The following PCDHGB6 variants were observed in gnomAD, a reference collection of about 807,000 sequenced individuals.
PCDHGB6 encodes the protein protocadherin gamma-B6.
In PCDHGB6, 51 loss-of-function variants were observed where a neutral mutation model predicts 59.1. That is an observed-to-expected ratio of 0.86 (90% CI 0.69 to 1.09). The LOEUF (loss-of-function observed/expected upper bound fraction) is 1.09. Ranked by LOEUF, PCDHGB6 falls within the 50% of genes least tolerant of loss-of-function variation. PCDHGB6 has a pLI of 0.00. For missense variants in PCDHGB6, 1,148 were observed against 1,205.1 expected (o/e 0.95, Z 0.70); for synonymous variants, 466 against 495.1 (o/e 0.94, Z 0.78).
intron 1 of PCDHGB6, chr5:141,426,340 C>A: frequency 5.3e-6 from 1 of 190,288 alleles, no homozygotes; most frequent in Non-Finnish European, 1.1e-5. Flanking sequence ...AGCACTCTTC[C>A]CTTTCCTGCT....
rs549051669 is a variant in PCDHGB6, at chr5:141,450,866, C to A, written c.2418+40246C>A. 4.7e-5 allele frequency among the ~76,000 whole-genome samples: 7 copies of A among 149,836 alleles called. No homozygotes were observed. In the East Asian group the frequency reaches 1.4e-3, roughly 29 times the overall value. On this transcript the variant is annotated intron_variant, in intron 1 of 3. Transcript: ENST00000520790. ...TTGAGATGGGGTCTTGCTCTGTCAC[C>A]CAGGCTGGTGTGCAGTGGTGCGATA...
intron 1 of PCDHGB6, 180 bp downstream of exon 1, chr5:141,410,800 T>A: frequency 1.5e-6 from 1 of 678,550 alleles, no homozygotes; most frequent in Non-Finnish European, 2.2e-6. Context: ...TAAGTTGCTC[T>A]ATCTTTTTGT....
chr5:141,419,259 C>G, intron 1 of PCDHGB6: 4 of 1,614,016 alleles, frequency 2.5e-6, no homozygotes, highest in Non-Finnish European at 2.5e-6. Context: ...AACAACCAGC[C>G]GGGTGCCTCC....
At chr5:141,447,797 T>C (rs536848880) in intron 1 of PCDHGB6, among the ~76,000 whole-genome samples, 16 of 152,022 alleles carry the variant, frequency 1.1e-4, no homozygotes, top group Admixed American at 7.9e-4. Context: ...TTTAAGAAAA[T>C]AAAATTGGCT....
chr5:141,429,698 A>G (rs1436698608), intron 1 of PCDHGB6, among the ~76,000 whole-genome samples: 2 of 152,228 alleles, frequency 1.3e-5, no homozygotes, highest in Admixed American at 6.5e-5. Flanking sequence ...ATATCTTTAC[A>G]GTATAAATAT....
In PCDHGB6 at chr5:141,409,431, T is replaced by C. The variant is rs191277647; in HGVS notation, c.1229T>C (p.Leu410Pro). 41 of 1,614,006 alleles carry C rather than the reference T, an allele frequency of 2.5e-5. No homozygotes were observed. In the African/African-American group the frequency reaches 3.9e-4, roughly 15 times the overall value. ...NYYKLVTDGA[L>P]DREQTPEYNV... Reference sequence around the variant, plus strand: ...TACAAACTGGTGACAGATGGAGCCCTGGACCGAGAGCAGACACCAGAATAC... The same window carrying C: ...TACAAACTGGTGACAGATGGAGCCCCGGACCGAGAGCAGACACCAGAATAC... Residue 410 changes from leucine to proline, a missense_variant, in exon 1 of 4, where the codon CTG (leucine) becomes CCG (proline). Leu to Pro is a moderately conservative substitution (Grantham distance 98). Transcript: ENST00000520790.
chr5:141,439,618 C>T (rs964445098), intron 1 of PCDHGB6, among the ~76,000 whole-genome samples: 2 of 152,178 alleles, frequency 1.3e-5, no homozygotes, highest in East Asian at 3.8e-4. Context: ...GATAAATGAG[C>T]CAATCCCCAG....
chr5:141,422,074 C>T (rs886758924), intron 1 of PCDHGB6: 8 of 1,612,146 alleles, frequency 5.0e-6, no homozygotes, highest in African/African-American at 4.0e-5. Context: ...GTATTCATTT[C>T]GGAACATGGA....
intron 1 of PCDHGB6, chr5:141,414,799 G>T (rs1177065576): frequency 1.9e-6 from 3 of 1,614,096 alleles, no homozygotes; most frequent in Non-Finnish European, 2.5e-6. Flanking sequence ...CAGCGACAGC[G>T]GGGATCCTCC....
intron 1 of PCDHGB6, among the ~76,000 whole-genome samples, chr5:141,463,479 C>T (rs1162346496): frequency 4.1e-5 from 5 of 120,544 alleles, no homozygotes; most frequent in Non-Finnish European, 8.1e-5. Flanking sequence ...GATGGAGTCT[C>T]GCTCTGTCAC....
At chr5:141,442,682 T>C (rs1591733469) in intron 1 of PCDHGB6, among the ~76,000 whole-genome samples, 1 of 152,218 alleles carries the variant, frequency 6.6e-6, no homozygotes, top group East Asian at 1.9e-4. Context: ...TGAGGGACAG[T>C]AGTCAGGCAG....
intron 1 of PCDHGB6, chr5:141,420,293 A>G: frequency 1.3e-6 from 2 of 1,485,602 alleles, no homozygotes; most frequent in Non-Finnish European, 9.1e-7. Context: ...TTAAAAATGT[A>G]TTTAATCCTT....
rs1444244130 is a variant in PCDHGB6 at position 141,433,401 on chromosome 5, A to ATCTATCTC, written c.2418+22786_2418+22787insCTCTCTAT. The stretch of plus-strand genomic sequence containing the variant: ...TATCTATCTATCTATCTATCTATCT[A>ATCTATCTC]TCTATTACTTTCTTGTACAGACAGG... On this transcript the variant is annotated intron_variant, in intron 1 of 3. Transcript: ENST00000520790. Among the ~76,000 whole-genome samples, 100 of 150,598 alleles carry ATCTATCTC rather than the reference A, an allele frequency of 6.6e-4. 1 individual carries two copies. Among genetic ancestry groups the ATCTATCTC allele is most frequent in the African/African-American group, 2.4e-3 (100 of 40,958 alleles).
Position 141,428,071 on chromosome 5 carries a change from C to T in PCDHGB6, c.2418+17451C>T, listed in dbSNP as rs968712502. ...AAGGTGGTGGCGGTGGACGCAGATTCGGGACACAACGCTTGGCTGTCCTAC... is the reference window on the plus strand; with the variant it reads ...AAGGTGGTGGCGGTGGACGCAGATTTGGGACACAACGCTTGGCTGTCCTAC... On this transcript the variant is annotated intron_variant, in intron 1 of 3. Transcript: ENST00000520790. The T allele has an allele frequency of 5.6e-6, 9 of 1,609,140 alleles. No homozygotes were observed. In the Middle Eastern group the frequency reaches 1.0e-3, roughly 184 times the overall value.
At chr5:141,500,947 C>T (rs933082173) in intron 2 of PCDHGB6, among the ~76,000 whole-genome samples, 15 of 151,822 alleles carry the variant, frequency 9.9e-5, no homozygotes, top group African/African-American at 3.6e-4. Context: ...CGGCTCACTG[C>T]AAGCTCCACC....
At chr5:141,465,457 C>G (rs956070103) in intron 1 of PCDHGB6, among the ~76,000 whole-genome samples, 1 of 152,214 alleles carries the variant, frequency 6.6e-6, no homozygotes, top group Non-Finnish European at 1.5e-5. Context: ...AAAACTCTCA[C>G]CAAATTGCCC....
rs1482322150 is a variant in PCDHGB6, at chr5:141,485,119, C to T, written c.2419-9688C>T. On this transcript the variant is annotated intron_variant, in intron 1 of 3. Transcript: ENST00000520790. This position sits in a 1 kb window ranked among gnomAD's most constrained non-coding sequence, Gnocchi z 5.7. ...CTCCAGCTGCTGTGGCTGTTTGGGGCGGGTCGGCTTCATCCGCGTCTCAGG... is the reference window on the plus strand; with the variant it reads ...CTCCAGCTGCTGTGGCTGTTTGGGGTGGGTCGGCTTCATCCGCGTCTCAGG... 9.8e-6 allele frequency: 13 copies of T among 1,328,806 alleles called. No individual in the cohort carries two copies. The East Asian group carries it at 1.8e-4, about 19-fold the overall frequency. 82.3% of individuals were successfully genotyped at this position (1,328,806 alleles called of 1,614,324 possible). A position where few individuals can be genotyped will look rare whatever the true frequency, so the allele number is the denominator to read the frequency against.
chr5:141,426,768 G>A (rs2096959269), intron 1 of PCDHGB6: 1 of 456,516 alleles, frequency 2.2e-6, no homozygotes, highest in Non-Finnish European at 4.4e-6. Flanking sequence ...TGCAGATGTA[G>A]GGCCTCACTC....
chr5:141,418,773 A>G, intron 1 of PCDHGB6: 2 of 1,613,904 alleles, frequency 1.2e-6, no homozygotes, highest in Non-Finnish European at 1.7e-6. Flanking sequence ...CTAACTCAGC[A>G]GCCTTTGGAT....
Sources: allele counts gnomAD v4.1 joint callset (sites outside exome capture counted in the v4.1 genomes callset), GRCh38; gene constraint gnomAD v4.1.1; non-coding constraint Gnocchi (gnomAD v3.1); transcripts MANE v1.5; gene names NCBI Gene and HGNC (gene_info 2026-07-23, HGNC 2026-07-21).